The following EYS variants were observed in gnomAD, a reference collection of about 807,000 sequenced individuals.
EYS encodes protein eyes shut homolog.
Under a neutral mutation model 282.1 loss-of-function variants are expected in EYS, and 250 were observed. That is an observed-to-expected ratio of 0.89 (90% CI 0.80 to 0.98). The LOEUF (loss-of-function observed/expected upper bound fraction) is 0.98. EYS is among the 50% of genes least tolerant of loss of function. The pLI is 0.00. For missense variants in EYS, 4,016 were observed against 3,709.0 expected (o/e 1.08, Z -2.15); for synonymous variants, 1,355 against 1,282.9 (o/e 1.06, Z -1.20).
At chr6:64,627,668 A>G (rs1582969888) in intron 22 of EYS, among the ~76,000 whole-genome samples, 1 of 152,298 alleles carries the variant, frequency 6.6e-6, no homozygotes, top group African/African-American at 2.4e-5. Flanking sequence ...TTTCACTGCA[A>G]CTGGGTCTGC....
chr6:63,860,126 C>T (rs1265868266), intron 36 of EYS, among the ~76,000 whole-genome samples: 3 of 152,082 alleles, frequency 2.0e-5, no homozygotes, highest in Non-Finnish European at 1.5e-5. Context: ...ATATTCTAGA[C>T]AATCTTCTAG....
In EYS at chr6:63,939,130, ATT is replaced by A. The variant is rs59373055; in HGVS notation, c.7055+45251_7055+45252del. ...CCCAGACAAGCTTCTTTGTGAGGGG[ATT>A]TTTTTTTTTTTTTAACAAATATGCC... On this transcript the variant is annotated intron_variant, in intron 35 of 42. Coordinates refer to ENST00000503581, the MANE Select transcript of EYS (RefSeq NM_001142800.2). 4.7e-3 allele frequency among the ~76,000 whole-genome samples: 676 copies of A among 143,494 alleles called. 4 individuals carry two copies. Among genetic ancestry groups the A allele is most frequent in the African/African-American group, 0.016 (632 of 39,584 alleles). 94.1% of individuals were successfully genotyped at this position (143,494 alleles called of 152,430 possible).
intron 22 of EYS, among the ~76,000 whole-genome samples, chr6:64,708,651 G>C (rs759204002): frequency 1.3e-5 from 2 of 152,134 alleles, no homozygotes; most frequent in Non-Finnish European, 1.5e-5. Flanking sequence ...AAGGGCAAAG[G>C]CTGGGCAAGT....
At chr6:65,422,264 C>T (rs1767495280) in intron 5 of EYS, among the ~76,000 whole-genome samples, 1 of 151,894 alleles carries the variant, frequency 6.6e-6, no homozygotes, top group African/African-American at 2.4e-5. Flanking sequence ...ATAAATAAAG[C>T]TTCCAATCTA....
intron 14 of EYS, among the ~76,000 whole-genome samples, chr6:64,968,411 A>G (rs1018599631): frequency 1.3e-5 from 2 of 152,178 alleles, no homozygotes; most frequent in Non-Finnish European, 2.9e-5. Flanking sequence ...CTTTCAAAAT[A>G]TATTTATATG....
At chr6:65,665,665 T>G (rs916897086) in intron 1 of EYS, among the ~76,000 whole-genome samples, 1 of 152,056 alleles carries the variant, frequency 6.6e-6, no homozygotes, top group Admixed American at 6.6e-5. Context: ...CAGTGAGCAA[T>G]TAATAGATTC....
At position 63,999,068 on chromosome 6, in the gene EYS, T is replaced by C. The variant is rs1582104893; in HGVS notation, c.6834+7A>G. On this transcript the variant is annotated splice_region_variant and intron_variant, in intron 34 of 42. Transcript: ENST00000503581. ...TAGTGTTTGGAACTGGATATTTGCA[T>C]ACCTACCTGAGAGGCATGGGAAATC... The C allele has an allele frequency of 3.9e-6, 6 of 1,520,438 alleles. No homozygotes were observed. Among genetic ancestry groups the C allele is most frequent in the Non-Finnish European group, 5.4e-6 (6 of 1,118,066 alleles). 94.2% of individuals were successfully genotyped at this position (1,520,438 alleles called of 1,614,324 possible).
At chr6:65,446,241 C>T (rs961883877) in intron 5 of EYS, among the ~76,000 whole-genome samples, 1 of 151,494 alleles carries the variant, frequency 6.6e-6, no homozygotes, top group Admixed American at 6.6e-5. Flanking sequence ...TTAGAAAAAA[C>T]AATAAAATGT....
At chr6:64,565,456 CCATTTTGACA>C (rs1263933461) in intron 26 of EYS, among the ~76,000 whole-genome samples, 8 of 151,924 alleles carry the variant, frequency 5.3e-5, no homozygotes, top group Non-Finnish European at 5.9e-5. Context: ...GAAAATACTG[CCATTTTGACA>C]ACATGGATTA....
In EYS at chr6:65,124,204, T is replaced by TA. The variant is rs1232614367; in HGVS notation, c.2024-66478dup. On this transcript the variant is annotated intron_variant, in intron 12 of 42. Transcript: ENST00000503581. ...AAAAATATAAAGGAATAAATAAATG[T>TA]AAAAAAAAACATTGAAAGCAAAAGG... 9.5e-3 allele frequency among the ~76,000 whole-genome samples: 1,422 copies of TA among 149,284 alleles called. 10 individuals are homozygous for TA. Among genetic ancestry groups the TA allele is most frequent in the African/African-American group, 0.033 (1,306 of 39,786 alleles).
chr6:65,414,543 G>T (rs1001414009), intron 5 of EYS, among the ~76,000 whole-genome samples: 1 of 151,970 alleles, frequency 6.6e-6, no homozygotes, highest in African/African-American at 2.4e-5. Context: ...TTTGTTGATG[G>T]ATTTAAAGTG....
intron 2 of EYS, among the ~76,000 whole-genome samples, chr6:65,525,566 C>G (rs1371016667): frequency 6.6e-6 from 1 of 152,168 alleles, no homozygotes; most frequent in Non-Finnish European, 1.5e-5. Context: ...TTAATCCTGT[C>G]TTATTGTTTG....
intron 2 of EYS, among the ~76,000 whole-genome samples, chr6:65,577,544 G>A (rs948304297): frequency 1.3e-5 from 2 of 151,616 alleles, no homozygotes; most frequent in African/African-American, 4.8e-5. Context: ...TAACCCCAAA[G>A]ACACAGACAA....
chr6:64,518,785 C>A lies in EYS; in HGVS notation c.5644+71438G>T, dbSNP rs1562038074. Among the ~76,000 whole-genome samples the A allele has an allele frequency of 2.0e-5, 3 of 146,364 alleles. No homozygotes were observed. The South Asian group carries it at 6.5e-4, about 32-fold the overall frequency. ...CTCTGACGGGTTTATAAGGGGCCCCCCCCTTCTCAGGGAACTCATTCTTCG... is the reference window on the plus strand; with the variant it reads ...CTCTGACGGGTTTATAAGGGGCCCCACCCTTCTCAGGGAACTCATTCTTCG... On this transcript the variant is annotated intron_variant, in intron 26 of 42. Transcript: ENST00000503581.
At chr6:64,022,483 A>G (rs1769239584) in intron 33 of EYS, among the ~76,000 whole-genome samples, 1 of 152,202 alleles carries the variant, frequency 6.6e-6, no homozygotes, top group Non-Finnish European at 1.5e-5. Flanking sequence ...ATGTTATGCA[A>G]ATATCATTAT....
Position 64,295,518 on chromosome 6 carries a change from A to AAAGAAGAAAGAAGAAAG in EYS, c.6191+11451_6191+11452insCTTTCTTCTTTCTTCTT, listed in dbSNP as rs1582552206. On this transcript the variant is annotated intron_variant, in intron 30 of 42. Coordinates refer to ENST00000503581, the MANE Select transcript of EYS (RefSeq NM_001142800.2). ...GAAGAAAGAAGAAAGAAGAAAGAAG[A>AAAGAAGAAAGAAGAAAG]AAGAAGAAAGAAGAAGAAAGAAGAA... is the stretch of plus-strand genomic sequence containing the variant. Among the ~76,000 whole-genome samples, 19 of 35,850 alleles carry AAAGAAGAAAGAAGAAAG rather than the reference A, an allele frequency of 5.3e-4. 1 individual carries two copies. Among genetic ancestry groups the AAAGAAGAAAGAAGAAAG allele is most frequent in the African/African-American group, 8.1e-4 (4 of 4,920 alleles). 23.5% of individuals were successfully genotyped at this position (35,850 alleles called of 152,430 possible).
intron 19 of EYS, among the ~76,000 whole-genome samples, chr6:64,872,533 C>T (rs778331642): frequency 1.5e-4 from 23 of 151,978 alleles, no homozygotes; most frequent in Non-Finnish European, 2.9e-4. Flanking sequence ...AAGTGGAAGT[C>T]AAGATGCAGA....
Position 63,720,863 on chromosome 6 carries a change from GAT to G in EYS, c.9166_9167del (p.Ile3056GlnfsTer6), listed in dbSNP as rs1165454778. ...HVVVIQNQTL[I>X]KAYINNSLIL... is the part of the protein sequence containing the mutation. ...TTAGACTGTTATTTATGTAGGCCTT[GAT>G]AAGAGTCTGATTTTGAATTACAACT... On this transcript the variant is annotated frameshift_variant, in exon 43 of 43. Transcript: ENST00000503581. LOFTEE classifies it high-confidence loss of function. 2.6e-6 allele frequency: 4 copies of G among 1,550,914 alleles called. No individual in the cohort carries two copies. The highest frequency in any genetic ancestry group is 1.4e-5 in the African/African-American group (1 of 72,998).
intron 2 of EYS, among the ~76,000 whole-genome samples, chr6:65,514,987 A>G (rs1767065721): frequency 6.6e-6 from 1 of 152,198 alleles, no homozygotes; most frequent in South Asian, 2.1e-4. Context: ...AGAAACTACC[A>G]TCACAGTGAA....
Sources: allele counts gnomAD v4.1 joint callset (sites outside exome capture counted in the v4.1 genomes callset), GRCh38; gene constraint gnomAD v4.1.1; transcripts MANE v1.5; gene names NCBI Gene and HGNC (gene_info 2026-07-23, HGNC 2026-07-21).